Variants in FIG4 observed in about 807,000 individuals in gnomAD.
FIG4 encodes the protein FIG4 phosphoinositide 5-phosphatase, also known as polyphosphoinositide phosphatase.
A neutral mutation model predicts 118.6 loss-of-function variants in FIG4; 112 were observed. The observed-to-expected ratio is 0.94, with a 90% CI of 0.81 to 1.11. FIG4 has a LOEUF of 1.11. Ranked by LOEUF, FIG4 falls within the 50% of genes least tolerant of loss-of-function variation. The pLI is 0.00. For missense variants in FIG4, 969 were observed against 1,111.7 expected (o/e 0.87, Z 1.83); for synonymous variants, 369 against 381.2 (o/e 0.97, Z 0.37).
intron 15 of FIG4, among the ~76,000 whole-genome samples, chr6:109,768,885 C>T (rs529951466): frequency 1.5e-3 from 234 of 152,148 alleles, no homozygotes; most frequent in Non-Finnish European, 1.5e-3. Context: ...TCTTGCAGTT[C>T]GGGAGGCTAG....
In FIG4 at chr6:109,772,548, C is replaced by T. The variant is rs574610327; in HGVS notation, c.1751-4374C>T. ...CTCGGCTCACCACAACCTCTGCTTC[C>T]TGGGTTCAAGAGACTCCCCTGCCTC... is the stretch of plus-strand genomic sequence containing the variant. On this transcript the variant is annotated intron_variant, in intron 15 of 22. Coordinates refer to ENST00000230124, the MANE Select transcript of FIG4 (RefSeq NM_014845.6). Among the ~76,000 whole-genome samples, 4 of 152,258 alleles carry T rather than the reference C, an allele frequency of 2.6e-5. No individual in the cohort carries two copies. In the South Asian group the frequency reaches 8.3e-4, roughly 32 times the overall value.
chr6:109,765,168 C>T lies in FIG4; in HGVS notation c.1583+7C>T, dbSNP rs1284277382. 6.2e-7 allele frequency: 1 copy of T among 1,613,582 alleles called. No homozygotes were observed. Among genetic ancestry groups the T allele is most frequent in the Non-Finnish European group, 8.5e-7 (1 of 1,179,684 alleles). ...TTGATACAGATGCAGTTAGGTAAGT[C>T]TTATTTTTTGCTATTTGAATGCTGA... On this transcript the variant is annotated splice_region_variant and intron_variant, in intron 14 of 22. Transcript: ENST00000230124.
At chr6:109,697,443 C>G (rs536661467) in intron 1 of FIG4, among the ~76,000 whole-genome samples, 4 of 152,220 alleles carry the variant, frequency 2.6e-5, no homozygotes, top group African/African-American at 9.6e-5. Context: ...AACTCACGTG[C>G]CTGACAAGTT....
At chr6:109,703,923 A>G (rs1774979980) in intron 1 of FIG4, among the ~76,000 whole-genome samples, 1 of 152,108 alleles carries the variant, frequency 6.6e-6, no homozygotes, top group Non-Finnish European at 1.5e-5. Context: ...CCTCTAAATA[A>G]TGGAGTTCCT....
intron 22 of FIG4, among the ~76,000 whole-genome samples, chr6:109,806,541 G>A (rs1778569539): frequency 6.6e-6 from 1 of 151,804 alleles, no homozygotes; most frequent in East Asian, 1.9e-4. Flanking sequence ...TCTGAGAACT[G>A]GAAGATGATT....
At chr6:109,695,714 T>G (rs1346541435) in intron 1 of FIG4, among the ~76,000 whole-genome samples, 1 of 152,198 alleles carries the variant, frequency 6.6e-6, no homozygotes, top group Admixed American at 6.5e-5. Context: ...GGTTGTGCTT[T>G]GACTTTAGGA....
At chr6:109,789,732 T>TC in intron 19 of FIG4, 55 bp downstream of exon 19, 1 of 1,240,494 alleles carries the variant, frequency 8.1e-7, no homozygotes, top group East Asian at 2.3e-5. Flanking sequence ...GAATAGTACT[T>TC]GCAATATGAT....
intron 1 of FIG4, among the ~76,000 whole-genome samples, chr6:109,701,180 G>A (rs1385567402): frequency 1.3e-5 from 2 of 152,204 alleles, no homozygotes; most frequent in African/African-American, 4.8e-5. Flanking sequence ...TGACATGCAG[G>A]AAGTGTAGTT....
intron 1 of FIG4, among the ~76,000 whole-genome samples, chr6:109,712,726 T>C (rs1382569485): frequency 3.9e-5 from 6 of 152,200 alleles, no homozygotes; most frequent in Non-Finnish European, 8.8e-5. Flanking sequence ...GAATTCTATT[T>C]CTGTCATGTC....
intron 5 of FIG4, 89 bp from the exon 6 acceptor site, chr6:109,735,061 G>A (rs1776119800): frequency 3.6e-6 from 4 of 1,126,574 alleles, no homozygotes; most frequent in Admixed American, 1.7e-5. Flanking sequence ...AAGTAATTTA[G>A]TTCACAGATT....
chr6:109,808,250 G>A (rs1304118737), intron 22 of FIG4, among the ~76,000 whole-genome samples: 1 of 150,402 alleles, frequency 6.6e-6, no homozygotes, highest in Non-Finnish European at 1.5e-5. Flanking sequence ...TGGTCTGTAG[G>A]CCCTGGTTCC....
At chr6:109,758,004 A>C (rs1776974990) in intron 10 of FIG4, among the ~76,000 whole-genome samples, 1 of 152,262 alleles carries the variant, frequency 6.6e-6, no homozygotes, top group Non-Finnish European at 1.5e-5. Flanking sequence ...ATTGATAGGA[A>C]GAATCAATAT....
chr6:109,794,892 A>G (rs1029800187), intron 21 of FIG4, among the ~76,000 whole-genome samples: 41 of 151,966 alleles, frequency 2.7e-4, no homozygotes, highest in African/African-American at 9.7e-4. Context: ...CCAGCTTCCC[A>G]TTCTTCTGCC....
intron 15 of FIG4, among the ~76,000 whole-genome samples, chr6:109,770,386 A>G (rs1583708941): frequency 6.6e-6 from 1 of 152,196 alleles, no homozygotes; most frequent in Non-Finnish European, 1.5e-5. Context: ...ATAAATATGT[A>G]CACCCACATG....
chr6:109,772,788 A>G (rs1373948942), intron 15 of FIG4, among the ~76,000 whole-genome samples: 1 of 152,168 alleles, frequency 6.6e-6, no homozygotes, highest in Non-Finnish European at 1.5e-5. Context: ...ATGACAAATT[A>G]CTACAAACTC....
intron 18 of FIG4, among the ~76,000 whole-genome samples, chr6:109,789,110 ATGT>A (rs1406030253): frequency 1.3e-4 from 20 of 152,342 alleles, no homozygotes; most frequent in Non-Finnish European, 2.4e-4. Context: ...TAGCTTAAAA[ATGT>A]TGTCCATGAA....
At chr6:109,738,545 T>C in intron 7 of FIG4, 92 bp downstream of exon 7, 1 of 1,226,582 alleles carries the variant, frequency 8.2e-7, no homozygotes, top group Non-Finnish European at 1.2e-6. Flanking sequence ...ATGATTATAA[T>C]ACCACTCTGT....
chr6:109,810,317 C>A (rs1332887761), intron 22 of FIG4, among the ~76,000 whole-genome samples: 1 of 152,142 alleles, frequency 6.6e-6, no homozygotes, highest in Non-Finnish European at 1.5e-5. Flanking sequence ...AGAGAGGTAG[C>A]ATGAATCTGT....
intron 22 of FIG4, among the ~76,000 whole-genome samples, chr6:109,806,783 A>G (rs914322639): frequency 2.6e-5 from 4 of 151,354 alleles, no homozygotes; most frequent in Admixed American, 1.3e-4. Context: ...TAGTTCCCCA[A>G]CCCGCAACAG....
Sources: gnomAD v4.1 joint callset for allele counts (sites outside exome capture counted in the v4.1 genomes callset) on GRCh38, gnomAD v4.1.1 for gene constraint, MANE v1.5 for transcripts, NCBI Gene and HGNC (gene_info 2026-07-23, HGNC 2026-07-21) for gene names.